The following DOCK6 variants were observed in gnomAD, a reference collection of about 807,000 sequenced individuals.
The protein encoded by DOCK6 is dedicator of cytokinesis protein 6.
A neutral mutation model predicts 230.3 loss-of-function variants in DOCK6; 167 were observed. That is an observed-to-expected ratio of 0.73 (90% confidence interval 0.64 to 0.82). The LOEUF (loss-of-function observed/expected upper bound fraction) is 0.82, where lower values mean the gene tolerates loss of function less well. Ranked by LOEUF, DOCK6 falls within the 40% of genes least tolerant of loss-of-function variation. DOCK6 has a pLI of 0.00. For synonymous variants in DOCK6, 1,148 were observed against 1,185.0 expected, an observed-to-expected ratio of 0.97 and a Z score of 0.64; for missense variants, 2,598 against 2,825.8, an observed-to-expected ratio of 0.92 and a Z score of 1.83.
chr19:11,224,012 A>G (rs1208972810), intron 24 of DOCK6, among the ~76,000 whole-genome samples: 1 of 152,098 alleles, frequency 6.6e-6, no homozygotes, highest in Non-Finnish European at 1.5e-5. Flanking sequence ...TGAATGAGGC[A>G]GATGCCATCC....
At chr19:11,214,483 A>G (rs2079446528) in intron 33 of DOCK6, 70 bp downstream of exon 33, 1 of 1,613,450 alleles carries the variant, frequency 6.2e-7, no homozygotes, top group Non-Finnish European at 8.5e-7. Context: ...GAGAGGGATT[A>G]TGGAGTCAGA....
At position 11,233,251 on chromosome 19, in the gene DOCK6, C is replaced by T. The variant is rs2079796003; in HGVS notation, c.2670G>A (p.Val890=). The change falls in exon 22 of 48, where the codon GTG becomes GTA. Residue 890 remains valine, a synonymous_variant. Transcript: ENST00000294618. Reference sequence around the variant, plus strand: ...CCTCGTCATCCACAGAGCCAGGGGCCACGGCGAGGTCAGGGTTGCTGCTGC... The same window carrying T: ...CCTCGTCATCCACAGAGCCAGGGGCTACGGCGAGGTCAGGGTTGCTGCTGC... ...SISSSNPDLA[V]APGSVDDEVS... 1 of 1,613,764 alleles carries T rather than the reference C, an allele frequency of 6.2e-7. No homozygotes were observed. The highest frequency in any genetic ancestry group is 1.3e-5 in the African/African-American group (1 of 74,918).
At chr19:11,226,844 A>G (rs543204668) in intron 24 of DOCK6, among the ~76,000 whole-genome samples, 45 of 152,264 alleles carry the variant, frequency 3.0e-4, no homozygotes, top group African/African-American at 9.6e-4. Context: ...GAACATCAAC[A>G]TCCATTTATT....
At chr19:11,208,385 A>T (rs887473353) in intron 39 of DOCK6, 3 of 202,984 alleles carry the variant, frequency 1.5e-5, no homozygotes, top group African/African-American at 7.1e-5. Context: ...GGGTCAAGCG[A>T]TTCTCCTGCC....
In DOCK6 at chr19:11,252,370, T is replaced by A. The variant is rs1218674253; in HGVS notation, c.377+112A>T. 1.2e-5 allele frequency: 19 copies of A among 1,581,670 alleles called. No homozygotes were observed. In the East Asian group the frequency reaches 4.0e-4, roughly 34 times the overall value. On this transcript the variant is annotated intron_variant, in intron 4 of 47. Coordinates refer to ENST00000294618, the MANE Select transcript of DOCK6 (RefSeq NM_020812.4). ...CCGTCCTTGTGCTCCACCAGACAAG[T>A]TTGCCTGCTCTTGCAGGGACAATGG...
chr19:11,252,782 C>T lies in DOCK6; in HGVS notation c.308+1G>A, dbSNP rs1437128632. 1 of 1,608,244 alleles carries T rather than the reference C, an allele frequency of 6.2e-7. No individual in the cohort carries two copies. The highest frequency in any genetic ancestry group is 8.5e-7 in the Non-Finnish European group (1 of 1,176,250). ...CAGAGAGGGCGTGGGGCTGAACCCA[C>T]TCATCCTTGGGGATCCCGGGCTCCG... is the stretch of plus-strand genomic sequence containing the variant. On this transcript the variant is annotated splice_donor_variant, in intron 3 of 47. Coordinates refer to ENST00000294618, the MANE Select transcript of DOCK6 (RefSeq NM_020812.4). LOFTEE classifies it high-confidence loss of function.
At chr19:11,230,456 G>A (rs374907615) in intron 22 of DOCK6, among the ~76,000 whole-genome samples, 1 of 152,168 alleles carries the variant, frequency 6.6e-6, no homozygotes, top group Non-Finnish European at 1.5e-5. Flanking sequence ...GAGTGGGACC[G>A]AGAACACACG....
chr19:11,236,799 G>A lies in DOCK6; in HGVS notation c.2154C>T (p.His718=), dbSNP rs1211544832. The part of the protein sequence containing the change: ...SVELTAVSSV[H]PQDPYLDKFF... ...TTCCCGGCCCACCCCGTACCTGGGGGTGCACAGAGGACACGGCTGTGAGCT... is the reference window on the plus strand; with the variant it reads ...TTCCCGGCCCACCCCGTACCTGGGGATGCACAGAGGACACGGCTGTGAGCT... Residue 718 remains histidine (H), a synonymous_variant, in exon 19 of 48, where the codon CAC becomes CAT. Transcript: ENST00000294618. This position sits in a 1 kb window ranked among gnomAD's most constrained non-coding sequence, Gnocchi z 5.2. 5.8e-6 allele frequency: 9 copies of A among 1,553,252 alleles called. No individual in the cohort carries two copies. Among genetic ancestry groups the A allele is most frequent in the Non-Finnish European group, 7.8e-6 (9 of 1,148,310 alleles).
chr19:11,215,650 A>G (rs986162468), intron 31 of DOCK6, 151 bp downstream of exon 31: 1 of 1,382,970 alleles, frequency 7.2e-7, no homozygotes, highest in African/African-American at 1.4e-5. Context: ...GGGGACGCAC[A>G]GGCGCATGTG....
chr19:11,261,803 TGAAGCA>T (rs1438693596), intron 1 of DOCK6, among the ~76,000 whole-genome samples: 1 of 150,852 alleles, frequency 6.6e-6, no homozygotes, highest in Non-Finnish European at 1.5e-5. Context: ...CGGGAGAGCC[TGAAGCA>T]GAAGGTGGGG....
Position 11,245,845 on chromosome 19 carries a change from G to T in DOCK6, c.840C>A (p.Ile280=), listed in dbSNP as rs371759385. The T allele has an allele frequency of 8.3e-6, 13 of 1,569,946 alleles. No individual in the cohort carries two copies. The African/African-American group carries it at 1.6e-4, about 20-fold the overall frequency. Residue 280 remains isoleucine, a synonymous_variant, in exon 8 of 48, where the codon ATC becomes ATA. Coordinates refer to ENST00000294618, the MANE Select transcript of DOCK6 (RefSeq NM_020812.4). ...FEIEIEPIFG[I]LALYDVREKK... ...TCTCCCGCACATCATACAGAGCCAA[G>T]ATCCCAAAGATGGGCTCAATTTCAA... is the stretch of plus-strand genomic sequence containing the variant.
At chr19:11,237,827 G>C (rs989305024) in intron 16 of DOCK6, 48 bp from the exon 17 acceptor site, 2 of 1,517,810 alleles carry the variant, frequency 1.3e-6, no homozygotes, top group African/African-American at 1.4e-5. Flanking sequence ...GGTCCCCACT[G>C]TCTGCCCCAT....
At chr19:11,237,210 G>C in intron 18 of DOCK6, 1 of 599,422 alleles carries the variant, frequency 1.7e-6, no homozygotes, top group Non-Finnish European at 3.0e-6. Context: ...CGAGGGCAGG[G>C]GACAGTGATC....
At chr19:11,211,007 A>C (rs1029865847) in intron 37 of DOCK6, among the ~76,000 whole-genome samples, 3 of 151,220 alleles carry the variant, frequency 2.0e-5, no homozygotes, top group Admixed American at 6.6e-5. Flanking sequence ...CTGCCTGTCC[A>C]ACCCTTTTCC....
At chr19:11,248,924 T>TACAG in intron 6 of DOCK6, among the ~76,000 whole-genome samples, 1 of 152,236 alleles carries the variant, frequency 6.6e-6, no homozygotes, top group East Asian at 1.9e-4. Flanking sequence ...AAGCATTCAA[T>TACAG]AAATGTTGAC....
At chr19:11,247,835 T>C in intron 7 of DOCK6, 2 of 520,946 alleles carry the variant, frequency 3.8e-6, no homozygotes, top group Non-Finnish European at 7.0e-6. Flanking sequence ...GACGGGTTCA[T>C]ATACATGAAA....
intron 1 of DOCK6, among the ~76,000 whole-genome samples, chr19:11,261,873 T>C (rs1328723913): frequency 1.3e-5 from 2 of 148,522 alleles, no homozygotes; most frequent in Non-Finnish European, 3.0e-5. Context: ...CACTGGACCC[T>C]GGAGGGGGAA....
chr19:11,248,816 C>A (rs920489159), intron 6 of DOCK6, among the ~76,000 whole-genome samples: 1 of 152,128 alleles, frequency 6.6e-6, no homozygotes, highest in Non-Finnish European at 1.5e-5. Context: ...CCAATGCCAA[C>A]AATACAGTGG....
At chr19:11,253,836 G>A (rs1164553093) in intron 1 of DOCK6, 110 bp from the exon 2 acceptor site, 1 of 767,600 alleles carries the variant, frequency 1.3e-6, no homozygotes, top group African/African-American at 1.9e-5. Context: ...AATAGGCCGA[G>A]GGCCAAGAGA....
Sources: allele counts gnomAD v4.1 joint callset (sites outside exome capture counted in the v4.1 genomes callset), GRCh38; gene constraint gnomAD v4.1.1; non-coding constraint Gnocchi (gnomAD v3.1); transcripts MANE v1.5; gene names NCBI Gene and HGNC (gene_info 2026-07-23, HGNC 2026-07-21).